ANKRD26: variants seen among roughly 807,000 people sequenced by gnomAD.
ANKRD26 encodes the protein ankyrin repeat domain 26, also known as ankyrin repeat domain-containing protein 26.
ANKRD26 carries 141 observed loss-of-function variants against 208.7 expected under a neutral mutation model. That is an observed-to-expected ratio of 0.68 (90% CI 0.59 to 0.78). The LOEUF is 0.78. ANKRD26 is among the 30% of genes least tolerant of loss of function. The pLI, the probability that ANKRD26 is intolerant of heterozygous loss-of-function variation, is 0.00. For synonymous variants in ANKRD26, 636 were observed against 660.4 expected (o/e 0.96, Z 0.57); for missense variants, 1,889 against 1,938.7 (o/e 0.97, Z 0.48).
chr10:27,098,795 C>T (rs1042090638), intron 1 of ANKRD26, among the ~76,000 whole-genome samples: 6 of 151,738 alleles, frequency 4.0e-5, no homozygotes, highest in Admixed American at 1.3e-4. Context: ...GTGATCCGCC[C>T]GCCTCGGCCT....
the ANKRD26 span, among the ~76,000 whole-genome samples, chr10:26,952,261 T>C: frequency 1.3e-5 from 2 of 152,038 alleles, no homozygotes; most frequent in Non-Finnish European, 2.9e-5. Context: ...CTGCTTGTGG[T>C]GTGCTGTGCC....
intron 4 of ANKRD26, among the ~76,000 whole-genome samples, chr10:27,092,000 T>G (rs905431607): frequency 6.7e-6 from 1 of 148,730 alleles, no homozygotes; most frequent in East Asian, 2.0e-4. Flanking sequence ...AAAAAAAAAG[T>G]AAACTAAAAG....
At position 27,046,141 on chromosome 10, in the gene ANKRD26, C is replaced by T. The variant is rs528063985; in HGVS notation, c.1985+212G>A. 98 of 539,254 alleles carry T rather than the reference C, an allele frequency of 1.8e-4. 1 individual carries two copies. The South Asian group carries it at 2.0e-3, about 11-fold the overall frequency. The allele number at this position is 539,254 out of a possible 1,614,324, so 33.4% of individuals were successfully genotyped here. A position where few individuals can be genotyped will look rare whatever the true frequency, so the allele number is the denominator to read the frequency against. On this transcript the variant is annotated intron_variant, in intron 18 of 33. Coordinates refer to ENST00000376087, the MANE Select transcript of ANKRD26 (RefSeq NM_014915.3). ...GCCTCTCAGTCCAAGTTCTCTCAAA[C>T]GCCGTCTGTGCCCATCCACTATAGT...
the ANKRD26 span, among the ~76,000 whole-genome samples, chr10:26,953,140 C>G: frequency 6.6e-6 from 1 of 152,056 alleles, no homozygotes; most frequent in Admixed American, 6.6e-5. Context: ...AAATATAATA[C>G]CAGGCCAGAC....
At position 27,040,054 on chromosome 10, in the gene ANKRD26, T is replaced by C; in HGVS notation, c.2286A>G (p.Val762=). The change falls in exon 21 of 34, where the codon GTA becomes GTG. Residue 762 remains valine (V), a synonymous_variant. Transcript: ENST00000376087. ...TTGTTTCAGATAGCTCCCTTTGTAG[T>C]ACATTAACCTTGTCTTCCATTTTTT... ...KIKKMEDKVN[V]LQRELSETKE... is the part of the protein sequence containing the mutation. The C allele has an allele frequency of 6.2e-7, 1 of 1,613,668 alleles. No homozygotes were observed. Among genetic ancestry groups the C allele is most frequent in the East Asian group, 2.2e-5 (1 of 44,796 alleles).
intron 4 of ANKRD26, among the ~76,000 whole-genome samples, chr10:26,998,980 GAAGT>G (rs1554769587): frequency 6.6e-6 from 1 of 152,158 alleles, no homozygotes; most frequent in Non-Finnish European, 1.5e-5. Context: ...GCACCAAGAG[GAAGT>G]AAGTGATTCT....
the ANKRD26 span, among the ~76,000 whole-genome samples, chr10:26,965,727 A>G: frequency 1.3e-5 from 2 of 152,220 alleles, no homozygotes; most frequent in Non-Finnish European, 2.9e-5. Context: ...TTTGTAATCT[A>G]CCCATCTGAC....
In ANKRD26 at chr10:27,035,768, G is replaced by T; in HGVS notation, c.2698-16C>A. 6.4e-7 allele frequency: 1 copy of T among 1,562,572 alleles called. No individual in the cohort carries two copies. Among genetic ancestry groups the T allele is most frequent in the South Asian group, 1.1e-5 (1 of 88,938 alleles). ...TATGAGAATTCTAAGTAAAACAAAG[G>T]AAACTTTGAGCTAGCACCCAAGAAA... On this transcript the variant is annotated splice_polypyrimidine_tract_variant and intron_variant, in intron 23 of 33. Transcript: ENST00000376087.
chr10:27,039,967 C>T lies in ANKRD26; in HGVS notation c.2373G>A (p.Leu791=), dbSNP rs1265572664. Residue 791 remains leucine, a splice_region_variant and synonymous_variant, in exon 21 of 34, where the codon TTG becomes TTA. Transcript: ENST00000376087. ...TCTTTAAAACTAGGCTATCATACCT[C>T]AAAGAGCACAGTTCTCGTTCCCATT... ...KVEWERELCS[L]RFSLNQEEEK... 6.2e-7 allele frequency: 1 copy of T among 1,612,992 alleles called. No homozygotes were observed. The highest frequency in any genetic ancestry group is 2.2e-5 in the East Asian group (1 of 44,780).
intron 9 of ANKRD26, among the ~76,000 whole-genome samples, chr10:27,075,756 C>A (rs1055030095): frequency 6.6e-6 from 1 of 152,256 alleles, no homozygotes; most frequent in African/African-American, 2.4e-5. Context: ...ATGAATCTAA[C>A]AGATATTTAC....
In ANKRD26 at chr10:27,034,995, T is replaced by A; in HGVS notation, c.3455A>T (p.Asp1152Val). 1.2e-6 allele frequency: 2 copies of A among 1,614,124 alleles called. No individual in the cohort carries two copies. Among genetic ancestry groups the A allele is most frequent in the Non-Finnish European group, 1.7e-6 (2 of 1,179,958 alleles). Reference sequence around the variant, plus strand: ...TTTATTGTCAGCCTTGTTGTGGGCATCATCCAGTTGTTGTCGAAGCAACAT... The same window carrying A: ...TTTATTGTCAGCCTTGTTGTGGGCAACATCCAGTTGTTGTCGAAGCAACAT... The part of the protein sequence containing the change: ...ENMLLRQQLD[D>V]AHNKADNKEK... The change falls in exon 24 of 34, where the codon GAT (aspartate) becomes GTT (valine). Residue 1152 changes from aspartate to valine, a missense_variant. Asp to Val is a radical substitution (Grantham distance 152, BLOSUM62 -3). Around this residue, in one of 3 missense-constraint regions of ANKRD26, gnomAD observed 613 missense variants for 648.2 expected, o/e 0.95. Coordinates refer to ENST00000376087, the MANE Select transcript of ANKRD26 (RefSeq NM_014915.3).
At chr10:27,013,623 A>C (rs2053191960) in intron 31 of ANKRD26, among the ~76,000 whole-genome samples, 1 of 152,258 alleles carries the variant, frequency 6.6e-6, no homozygotes, top group African/African-American at 2.4e-5. Flanking sequence ...ACTTGTATTT[A>C]GTAAACCAGT....
rs765305713 is a variant in ANKRD26, at chr10:27,060,330, T to C, written c.1564+15A>G. On this transcript the variant is annotated intron_variant, in intron 15 of 33. Transcript: ENST00000376087. ...GTACTTCCTTCCAAGATTAAATATA[T>C]ATTGCAACATTTACCTGCTTTGGAT... is the stretch of plus-strand genomic sequence containing the variant. The C allele has an allele frequency of 6.4e-7, 1 of 1,566,384 alleles. No homozygotes were observed. Among genetic ancestry groups the C allele is most frequent in the East Asian group, 2.2e-5 (1 of 44,534 alleles).
chr10:27,034,690 G>A (rs1451553858), intron 24 of ANKRD26, 106 bp downstream of exon 24: 5 of 712,192 alleles, frequency 7.0e-6, no homozygotes, highest in South Asian at 4.5e-5. Flanking sequence ...AACTGATAGA[G>A]TAAATAAGCT....
chr10:27,056,971 C>T (rs2135413578), intron 15 of ANKRD26, among the ~76,000 whole-genome samples: 2 of 152,232 alleles, frequency 1.3e-5, no homozygotes, highest in South Asian at 4.1e-4. Flanking sequence ...TTTCCTTTAG[C>T]TGTTTGTCCC....
chr10:27,059,171 C>A (rs530734597), intron 15 of ANKRD26, among the ~76,000 whole-genome samples: 1 of 152,312 alleles, frequency 6.6e-6, no homozygotes, highest in Non-Finnish European at 1.5e-5. Flanking sequence ...GCTTCAGCCT[C>A]CCAAAGTGCT....
chr10:27,093,418 G>A lies in ANKRD26; in HGVS notation c.462C>T (p.Val154=), dbSNP rs1293538898. The A allele has an allele frequency of 2.5e-6, 4 of 1,613,954 alleles. No individual in the cohort carries two copies. In the African/African-American group the frequency reaches 5.3e-5, roughly 22 times the overall value. ...VHGNTALHYA[V]YNEDISVATK... Reference sequence around the variant, plus strand: ...TTGCTACTGATATGTCCTCATTATAGACAGCATAGTGAAGAGCAGTGTTGC... The same window carrying A: ...TTGCTACTGATATGTCCTCATTATAAACAGCATAGTGAAGAGCAGTGTTGC... The change falls in exon 3 of 34, where the codon GTC becomes GTT. Residue 154 remains valine (V), a synonymous_variant. Coordinates refer to ENST00000376087, the MANE Select transcript of ANKRD26 (RefSeq NM_014915.3).
At chr10:27,075,267 A>C (rs1437499650) in intron 9 of ANKRD26, among the ~76,000 whole-genome samples, 1 of 152,208 alleles carries the variant, frequency 6.6e-6, no homozygotes. Context: ...TAAATGGTCT[A>C]AATGCTCCAC....
rs796469172 is a variant in ANKRD26 at position 27,084,083 on chromosome 10, C to G, written c.710-1250G>C. On this transcript the variant is annotated intron_variant, in intron 5 of 33. Coordinates refer to ENST00000376087, the MANE Select transcript of ANKRD26 (RefSeq NM_014915.3). The stretch of plus-strand genomic sequence containing the variant: ...CAAAAAGTAGCCAGGCATGGTAGCA[C>G]GCACCTGTGATCCCAGCTACTCAGG... Among the ~76,000 whole-genome samples the G allele has an allele frequency of 2.0e-5, 3 of 151,980 alleles. No individual in the cohort carries two copies. In the South Asian group the frequency reaches 6.2e-4, roughly 32 times the overall value.
Sources: allele counts gnomAD v4.1 joint callset (sites outside exome capture counted in the v4.1 genomes callset), GRCh38; gene constraint gnomAD v4.1.1; regional missense constraint gnomAD v4.1.1; transcripts MANE v1.5; gene names NCBI Gene and HGNC (gene_info 2026-07-23, HGNC 2026-07-21).